Variants in APBB1IP observed in about 807,000 individuals in gnomAD.
The protein encoded by APBB1IP is amyloid beta precursor protein binding family B member 1 interacting protein, also known as amyloid beta A4 precursor protein-binding family B member 1-interacting protein.
In APBB1IP, 27 loss-of-function variants were observed where a neutral mutation model predicts 64.9. The ratio of observed to expected loss-of-function variants is 0.42; its 90% CI spans 0.31 to 0.57. The LOEUF (loss-of-function observed/expected upper bound fraction) is 0.57, where lower values mean the gene tolerates loss of function less well. Among genes scored for constraint, APBB1IP ranks in the 20% least tolerant of loss-of-function variants. APBB1IP has a pLI of 0.20. For synonymous variants in APBB1IP, 392 were observed against 331.0 expected, an observed-to-expected ratio of 1.18 and a Z score of -2.00; for missense variants, 812 against 845.5, an observed-to-expected ratio of 0.96 and a Z score of 0.49.
At chr10:26,475,208 C>T (rs763595658) in intron 2 of APBB1IP, among the ~76,000 whole-genome samples, 19 of 151,658 alleles carry the variant, frequency 1.3e-4, no homozygotes, top group Non-Finnish European at 1.9e-4. Context: ...CTGCAACCTC[C>T]GCCTCCCAGG....
intron 6 of APBB1IP, 82 bp downstream of exon 6, chr10:26,503,356 C>G: frequency 7.0e-7 from 1 of 1,430,322 alleles, no homozygotes; most frequent in South Asian, 1.2e-5. Flanking sequence ...CAAAATAAAG[C>G]CGGGCGCGGT....
chr10:26,531,704 A>G (rs754238391), intron 8 of APBB1IP, among the ~76,000 whole-genome samples: 6 of 151,708 alleles, frequency 4.0e-5, no homozygotes, highest in Non-Finnish European at 8.8e-5. Flanking sequence ...TTTTTTATGC[A>G]TTGTATTTCA....
At chr10:26,517,473 C>T (rs1409065986) in intron 8 of APBB1IP, among the ~76,000 whole-genome samples, 2 of 152,248 alleles carry the variant, frequency 1.3e-5, no homozygotes, top group Non-Finnish European at 2.9e-5. Flanking sequence ...GGGTCTCGCT[C>T]TGTTGCCCAG....
At chr10:26,501,508 A>G (rs1348110398) in intron 5 of APBB1IP, 1 of 283,256 alleles carries the variant, frequency 3.5e-6, no homozygotes, top group African/African-American at 2.1e-5. Context: ...TTCTGAGTAG[A>G]GTGAAATTGA....
rs188520769 is a variant in APBB1IP at position 26,538,414 on chromosome 10, G to A, written c.1044+2197G>A. On this transcript the variant is annotated intron_variant, in intron 10 of 14. Coordinates refer to ENST00000376236, the MANE Select transcript of APBB1IP (RefSeq NM_019043.4). ...TCCCAGCACTTTGGGAGGCCGAGGC[G>A]GGCGAATCACGAGGTCAGGAGTTTG... is the stretch of plus-strand genomic sequence containing the variant. Among the ~76,000 whole-genome samples, 914 of 151,810 alleles carry A rather than the reference G, an allele frequency of 6.0e-3. 8 individuals are homozygous for A. The highest frequency in any genetic ancestry group is 0.021 in the African/African-American group (866 of 41,404).
chr10:26,524,834 A>T (rs1836449742), intron 8 of APBB1IP, among the ~76,000 whole-genome samples: 1 of 151,968 alleles, frequency 6.6e-6, no homozygotes, highest in Non-Finnish European at 1.5e-5. Context: ...GTTAATTAAA[A>T]ACCTGTCTCA....
intron 2 of APBB1IP, among the ~76,000 whole-genome samples, chr10:26,475,874 TC>T (rs1012663991): frequency 6.6e-6 from 1 of 152,242 alleles, no homozygotes; most frequent in Non-Finnish European, 1.5e-5. Flanking sequence ...TTAACCCAGG[TC>T]GAGTCAATTT....
At chr10:26,478,395 G>A (rs1835799734) in intron 2 of APBB1IP, among the ~76,000 whole-genome samples, 1 of 152,144 alleles carries the variant, frequency 6.6e-6, no homozygotes, top group Admixed American at 6.5e-5. Context: ...ATTAGAAGGA[G>A]GCGTTTGGGG....
intron 13 of APBB1IP, among the ~76,000 whole-genome samples, chr10:26,561,064 C>CTTTCTTTTTTTTTTTTTTTTTTTTTTTTT (rs1218039459): frequency 1.4e-5 from 1 of 69,208 alleles, no homozygotes; most frequent in Admixed American, 2.3e-4. Context: ...TTCTTTCTTT[C>CTTTCTTTTTTTTTTTTTTTTTTTTTTTTT]TTTTTTTTTT....
intron 2 of APBB1IP, among the ~76,000 whole-genome samples, chr10:26,487,225 T>C (rs1462344361): frequency 2.0e-5 from 3 of 150,586 alleles, no homozygotes; most frequent in Admixed American, 1.3e-4. Flanking sequence ...TCTCTCTCTC[T>C]CTCTCTTTTA....
intron 7 of APBB1IP, among the ~76,000 whole-genome samples, chr10:26,513,309 T>C (rs777646346): frequency 6.6e-6 from 1 of 152,200 alleles, no homozygotes; most frequent in Admixed American, 6.5e-5. Flanking sequence ...CAGCTGACCA[T>C]TGTCACTGTG....
At chr10:26,535,471 T>G (rs1397070868) in intron 9 of APBB1IP, among the ~76,000 whole-genome samples, 1 of 152,158 alleles carries the variant, frequency 6.6e-6, no homozygotes, top group African/African-American at 2.4e-5. Context: ...CCAATTACAC[T>G]CTTTTAGTTA....
chr10:26,476,446 CAA>C (rs58548133), intron 2 of APBB1IP, among the ~76,000 whole-genome samples: 10 of 78,260 alleles, frequency 1.3e-4, no homozygotes, highest in African/African-American at 2.2e-4. Flanking sequence ...GACCCTGTCT[CAA>C]AAAAAAAAAA....
intron 2 of APBB1IP, among the ~76,000 whole-genome samples, chr10:26,456,442 C>A (rs753678405): frequency 3.9e-5 from 6 of 151,934 alleles, no homozygotes; most frequent in Non-Finnish European, 7.4e-5. Context: ...GCGGGTTGGA[C>A]TATGGAAAAA....
At chr10:26,470,947 A>G (rs1835708990) in intron 2 of APBB1IP, among the ~76,000 whole-genome samples, 1 of 152,128 alleles carries the variant, frequency 6.6e-6, no homozygotes. Flanking sequence ...TGCAGTTCCA[A>G]TGGCTTCATG....
At chr10:26,525,147 T>A (rs1465908860) in intron 8 of APBB1IP, among the ~76,000 whole-genome samples, 2 of 151,254 alleles carry the variant, frequency 1.3e-5, no homozygotes, top group East Asian at 3.9e-4. Context: ...CTGGGCGGGG[T>A]GACACATCCC....
chr10:26,554,072 T>G (rs1316922130), intron 11 of APBB1IP, among the ~76,000 whole-genome samples: 1 of 152,138 alleles, frequency 6.6e-6, no homozygotes, highest in African/African-American at 2.4e-5. Flanking sequence ...AGTCTCACCT[T>G]CTTCCCTAGC....
chr10:26,499,226 A>ACCT (rs1836066420), intron 4 of APBB1IP, among the ~76,000 whole-genome samples: 1 of 151,836 alleles, frequency 6.6e-6, no homozygotes, highest in African/African-American at 2.4e-5. Flanking sequence ...TGATCCTACC[A>ACCT]CTGCACTCCA....
At chr10:26,563,652 C>T (rs1004063288) in intron 14 of APBB1IP, among the ~76,000 whole-genome samples, 49 of 152,280 alleles carry the variant, frequency 3.2e-4, no homozygotes, top group Non-Finnish European at 1.2e-4. Flanking sequence ...TTCAAAACAA[C>T]CTTAAATAAC....
Sources: allele counts gnomAD v4.1 joint callset (sites outside exome capture counted in the v4.1 genomes callset), GRCh38; gene constraint gnomAD v4.1.1; transcripts MANE v1.5; gene names NCBI Gene and HGNC (gene_info 2026-07-23, HGNC 2026-07-21).